The following SLCO1B1 variants were observed in gnomAD, a reference collection of about 807,000 sequenced individuals.
SLCO1B1 encodes the protein OATP-2.
Under a neutral mutation model 70.1 loss-of-function variants are expected in SLCO1B1, and 81 were observed. The observed-to-expected ratio is 1.16, with a 90% CI of 0.97 to 1.39. The LOEUF (loss-of-function observed/expected upper bound fraction) is 1.39, where lower values mean the gene tolerates loss of function less well. Ranked by LOEUF, SLCO1B1 falls within the 40% of genes most tolerant of loss-of-function variation. The pLI is 0.00. For missense variants in SLCO1B1, 895 were observed against 799.6 expected, an observed-to-expected ratio of 1.12 and a Z score of -1.44; for synonymous variants, 283 against 271.5, an observed-to-expected ratio of 1.04 and a Z score of -0.42.
chr12:21,141,967 G>T (rs186011720), intron 2 of SLCO1B1, among the ~76,000 whole-genome samples: 1 of 151,256 alleles, frequency 6.6e-6, no homozygotes, highest in Non-Finnish European at 1.5e-5. Context: ...AATAAAAAAT[G>T]CATAATGAAT....
chr12:21,196,082 G>C (rs988102656), intron 7 of SLCO1B1, among the ~76,000 whole-genome samples: 2 of 152,124 alleles, frequency 1.3e-5, no homozygotes. Flanking sequence ...TTTCTTAAAA[G>C]TGTCAATGTA....
At chr12:21,161,686 A>C (rs1306147005) in intron 2 of SLCO1B1, among the ~76,000 whole-genome samples, 2 of 152,156 alleles carry the variant, frequency 1.3e-5, no homozygotes, top group African/African-American at 4.8e-5. Flanking sequence ...AGAAAATATT[A>C]ACAACTTTAA....
chr12:21,135,735 T>G (rs964206554), intron 1 of SLCO1B1, among the ~76,000 whole-genome samples: 12 of 152,164 alleles, frequency 7.9e-5, no homozygotes, highest in African/African-American at 2.9e-4. Flanking sequence ...TGTCTCTGCA[T>G]GTGAGATGGA....
At chr12:21,238,707 G>A (rs180683769) in intron 14 of SLCO1B1, among the ~76,000 whole-genome samples, 16 of 152,112 alleles carry the variant, frequency 1.1e-4, no homozygotes, top group Admixed American at 3.3e-4. Context: ...TGTAGGTGGG[G>A]CAGGATGGCT....
chr12:21,165,753 A>G (rs1217040643), intron 2 of SLCO1B1, among the ~76,000 whole-genome samples: 1 of 152,080 alleles, frequency 6.6e-6, no homozygotes, highest in Non-Finnish European at 1.5e-5. Flanking sequence ...ATACAAAGAG[A>G]AGTTAGCTGT....
At chr12:21,146,967 A>T (rs1940393873) in intron 2 of SLCO1B1, among the ~76,000 whole-genome samples, 1 of 152,128 alleles carries the variant, frequency 6.6e-6, no homozygotes, top group Non-Finnish European at 1.5e-5. Flanking sequence ...AAGGTCAATC[A>T]TGTTCTTCCT....
intron 8 of SLCO1B1, among the ~76,000 whole-genome samples, chr12:21,198,813 T>A (rs1376145811): frequency 6.6e-6 from 1 of 152,122 alleles, no homozygotes; most frequent in East Asian, 1.9e-4. Flanking sequence ...CCACTTAAGT[T>A]GTTTATTGAT....
At chr12:21,238,302 A>G (rs1357416532) in intron 14 of SLCO1B1, among the ~76,000 whole-genome samples, 2 of 152,012 alleles carry the variant, frequency 1.3e-5, no homozygotes, top group African/African-American at 2.4e-5. Flanking sequence ...GGTTCTTAAA[A>G]TTTTTATTTT....
At chr12:21,173,254 A>T (rs1565672728) in intron 3 of SLCO1B1, among the ~76,000 whole-genome samples, 1 of 152,110 alleles carries the variant, frequency 6.6e-6, no homozygotes, top group Non-Finnish European at 1.5e-5. Context: ...AATACTGAAG[A>T]TATTTTGTTG....
At chr12:21,181,337 GA>G (rs561785538) in intron 7 of SLCO1B1, among the ~76,000 whole-genome samples, 1 of 151,704 alleles carries the variant, frequency 6.6e-6, no homozygotes, top group African/African-American at 2.4e-5. Flanking sequence ...TGAAAGAACA[GA>G]AAAAAAAGTC....
chr12:21,155,124 A>T (rs988569262), intron 2 of SLCO1B1, among the ~76,000 whole-genome samples: 11 of 151,454 alleles, frequency 7.3e-5, no homozygotes, highest in African/African-American at 2.7e-4. Context: ...TAATCTTAGT[A>T]AATTATTTGA....
At chr12:21,166,178 G>T (rs1442211466) in intron 2 of SLCO1B1, among the ~76,000 whole-genome samples, 1 of 151,974 alleles carries the variant, frequency 6.6e-6, no homozygotes, top group Non-Finnish European at 1.5e-5. Context: ...TAAAATATAT[G>T]ATCTCAATAT....
chr12:21,194,575 T>G (rs894047432), intron 7 of SLCO1B1, among the ~76,000 whole-genome samples: 3 of 152,116 alleles, frequency 2.0e-5, no homozygotes, highest in Non-Finnish European at 4.4e-5. Context: ...TCATAATCAT[T>G]TATCAGTTTC....
At chr12:21,169,047 A>G (rs1319233836) in intron 2 of SLCO1B1, among the ~76,000 whole-genome samples, 1 of 152,106 alleles carries the variant, frequency 6.6e-6, no homozygotes, top group South Asian at 2.1e-4. Context: ...TGCATATAGT[A>G]TAGGGTAAGG....
chr12:21,214,158 T>G (rs1186769252), intron 11 of SLCO1B1, among the ~76,000 whole-genome samples: 1 of 152,148 alleles, frequency 6.6e-6, no homozygotes, highest in African/African-American at 2.4e-5. Flanking sequence ...TAGTTTCCAG[T>G]TTTTCTGTTC....
chr12:21,204,466 C>A (rs1445904856), intron 10 of SLCO1B1, among the ~76,000 whole-genome samples: 1 of 151,396 alleles, frequency 6.6e-6, no homozygotes, highest in Admixed American at 6.6e-5. Context: ...TTGGAACAAG[C>A]CCTCAATCTT....
intron 11 of SLCO1B1, among the ~76,000 whole-genome samples, chr12:21,214,900 C>T (rs912720920): frequency 6.6e-6 from 1 of 151,950 alleles, no homozygotes; most frequent in African/African-American, 2.4e-5. Context: ...CCAAGCCAGG[C>T]AATGCCTCGC....
intron 7 of SLCO1B1, among the ~76,000 whole-genome samples, chr12:21,186,434 A>ATTGT (rs141540975): frequency 0.12 from 18,525 of 152,056 alleles, 1,491 homozygotes; most frequent in Non-Finnish European, 0.18. Flanking sequence ...GCAAAATCTG[A>ATTGT]TTGTGATTCT....
intron 2 of SLCO1B1, among the ~76,000 whole-genome samples, chr12:21,171,940 C>A (rs1940759894): frequency 6.6e-6 from 1 of 152,002 alleles, no homozygotes; most frequent in South Asian, 2.1e-4. Flanking sequence ...ACCTAATTTC[C>A]TCAAAAAGAC....
Sources: gnomAD v4.1 joint callset for allele counts (sites outside exome capture counted in the v4.1 genomes callset) on GRCh38, gnomAD v4.1.1 for gene constraint, MANE v1.5 for transcripts, NCBI Gene and HGNC (gene_info 2026-07-23, HGNC 2026-07-21) for gene names.